The following INTS2 variants were observed in gnomAD, a reference collection of about 807,000 sequenced individuals.
INTS2 encodes the protein integrator complex subunit 2.
Under a neutral mutation model 139.6 loss-of-function variants are expected in INTS2, and 57 were observed. The ratio of observed to expected loss-of-function variants is 0.41; its 90% CI spans 0.33 to 0.51. The LOEUF (loss-of-function observed/expected upper bound fraction) is 0.51, where lower values mean the gene tolerates loss of function less well. Among genes scored for constraint, INTS2 ranks in the 20% least tolerant of loss-of-function variants. The pLI, the probability that INTS2 is intolerant of heterozygous loss-of-function variation, is 0.28. For synonymous variants in INTS2, 473 were observed against 493.4 expected (o/e 0.96, Z 0.55); for missense variants, 1,196 against 1,436.7 (o/e 0.83, Z 2.71).
At chr17:61,911,299 TAA>T in intron 7 of INTS2, 1 of 454,556 alleles carries the variant, frequency 2.2e-6, no homozygotes. Context: ...TTCAAATATT[TAA>T]GTGTTAATTT....
rs1369477684 is a variant in INTS2 at position 61,882,539 on chromosome 17, G to C, written c.2090-1368C>G. 6.6e-6 allele frequency among the ~76,000 whole-genome samples: 1 copy of C among 152,164 alleles called. No homozygotes were observed. On this transcript the variant is annotated intron_variant, in intron 16 of 24. Transcript: ENST00000251334. This position sits in a 1 kb window ranked among gnomAD's most constrained non-coding sequence, Gnocchi z 4.7. ...AGGCCAGGAGTTGGAGACCAGCCTG[G>C]CCAACATGGGGAAATCCTGTCTCTA...
At position 61,927,694 on chromosome 17, in the gene INTS2, CTCCGCG is replaced by C; in HGVS notation, c.-65_-60del. On this transcript the variant is annotated 5_prime_UTR_variant, in exon 1 of 25. Transcript: ENST00000251334. Reference sequence around the variant, plus strand: ...CCAGCCTCACGGAACCGCACACGGACTCCGCGTCCTAGAGGCGGGACGCGGCAGAAA... The same window carrying C: ...CCAGCCTCACGGAACCGCACACGGACTCCTAGAGGCGGGACGCGGCAGAAA... 2 of 1,441,294 alleles carry C rather than the reference CTCCGCG, an allele frequency of 1.4e-6. No individual in the cohort carries two copies. Among genetic ancestry groups the C allele is most frequent in the Non-Finnish European group, 1.8e-6 (2 of 1,101,420 alleles). 89.3% of individuals were successfully genotyped at this position (1,441,294 alleles called of 1,614,324 possible).
At position 61,903,398 on chromosome 17, in the gene INTS2, G is replaced by A. The variant is rs73332602; in HGVS notation, c.1307+1062C>T. Among the ~76,000 whole-genome samples, 571 of 151,592 alleles carry A rather than the reference G, an allele frequency of 3.8e-3. 4 individuals carry two copies. The highest frequency in any genetic ancestry group is 0.013 in the African/African-American group (536 of 41,392). On this transcript the variant is annotated intron_variant, in intron 9 of 24. Transcript: ENST00000251334. ...TATAAGAAACAGAAGATCCAACAAAGGAGAGATGAAGCAAGTCTCCAAAAT... is the reference window on the plus strand; with the variant it reads ...TATAAGAAACAGAAGATCCAACAAAAGAGAGATGAAGCAAGTCTCCAAAAT...
chr17:61,919,500 C>G lies in INTS2; in HGVS notation c.549G>C (p.Leu183Phe), dbSNP rs759186174. The change falls in exon 5 of 25, where the codon TTG becomes TTC. Residue 183 changes from leucine (L) to phenylalanine (F), a missense_variant. Transcript: ENST00000251334. Reference protein sequence around the residue: ...LCILQAELPSLLPIVDVAEAL... With the variant: ...LCILQAELPSFLPIVDVAEAL... Reference sequence around the variant, plus strand: ...CTTCAGCTACATCAACTATAGGGAGCAAGGAAGGGAGCTCTACAAGAAAAC... The same window carrying G: ...CTTCAGCTACATCAACTATAGGGAGGAAGGAAGGGAGCTCTACAAGAAAAC... 6 of 1,578,824 alleles carry G rather than the reference C, an allele frequency of 3.8e-6. No individual in the cohort carries two copies. In the Admixed American group the frequency reaches 8.8e-5, roughly 23 times the overall value.
chr17:61,924,547 G>A (rs1009253994), intron 3 of INTS2, among the ~76,000 whole-genome samples: 3 of 152,148 alleles, frequency 2.0e-5, no homozygotes, highest in East Asian at 1.9e-4. Flanking sequence ...GGCCGGGCAC[G>A]GTGACCCATG....
chr17:61,897,391 C>A lies in INTS2; in HGVS notation c.1494+78G>T. ...ACAATTAAAATTACTTAAATGAAAA[C>A]AATCTATTTACACTACAACAAAATG... On this transcript the variant is annotated intron_variant, in intron 11 of 24. Transcript: ENST00000251334. This position sits in a 1 kb window ranked among gnomAD's most constrained non-coding sequence, Gnocchi z 4.4. The A allele has an allele frequency of 1.3e-6, 1 of 770,720 alleles. No homozygotes were observed. The allele number at this position is 770,720 out of a possible 1,614,324, so 47.7% of individuals were successfully genotyped here. A position where few individuals can be genotyped will look rare whatever the true frequency, so the allele number is the denominator to read the frequency against.
In INTS2 at chr17:61,867,743, A is replaced by G. The variant is rs2079057246; in HGVS notation, c.3422-17T>C. 1 of 1,570,688 alleles carries G rather than the reference A, an allele frequency of 6.4e-7. No homozygotes were observed. Among genetic ancestry groups the G allele is most frequent in the African/African-American group, 1.4e-5 (1 of 72,872 alleles). ...GTTGAAGACCTACAACATAAGGGAA[A>G]AAAAACATTAAGGCCAAGAAATTTG... On this transcript the variant is annotated splice_polypyrimidine_tract_variant and intron_variant, in intron 24 of 24. Coordinates refer to ENST00000251334, the MANE Select transcript of INTS2 (RefSeq NM_001351695.2). This position sits in a 1 kb window ranked among gnomAD's most constrained non-coding sequence, Gnocchi z 5.6.
chr17:61,918,903 A>G (rs895178227), intron 5 of INTS2, among the ~76,000 whole-genome samples: 1 of 148,890 alleles, frequency 6.7e-6, no homozygotes, highest in African/African-American at 2.5e-5. Context: ...TATAGATATT[A>G]CATCTTCTAG....
At chr17:61,926,722 C>T (rs1187275808) in intron 1 of INTS2, 60 bp from the exon 2 acceptor site, 2 of 1,367,760 alleles carry the variant, frequency 1.5e-6, no homozygotes, top group African/African-American at 2.9e-5. Flanking sequence ...GAACACCCAA[C>T]TTTCTAAAAA....
At chr17:61,907,969 C>T (rs1330408078) in intron 7 of INTS2, among the ~76,000 whole-genome samples, 5 of 152,138 alleles carry the variant, frequency 3.3e-5, no homozygotes, top group Non-Finnish European at 5.9e-5. Flanking sequence ...ATTTTGAAGA[C>T]GTAAGTTCTT....
At chr17:61,888,658 A>T (rs536569829) in intron 15 of INTS2, among the ~76,000 whole-genome samples, 68 of 151,992 alleles carry the variant, frequency 4.5e-4, no homozygotes, top group African/African-American at 1.6e-3. Context: ...ATCCCATCTC[A>T]GCCTCCCAAA....
At chr17:61,920,678 C>T (rs2079631915) in intron 4 of INTS2, among the ~76,000 whole-genome samples, 1 of 151,972 alleles carries the variant, frequency 6.6e-6, no homozygotes, top group Non-Finnish European at 1.5e-5. Flanking sequence ...TGCCGCATGC[C>T]TGTAATCCCA....
rs573561712 is a variant in INTS2 at position 61,882,984 on chromosome 17, G to A, written c.2090-1813C>T. Among the ~76,000 whole-genome samples the A allele has an allele frequency of 6.6e-6, 1 of 152,066 alleles. No individual in the cohort carries two copies. The highest frequency in any genetic ancestry group is 2.1e-4 in the South Asian group (1 of 4,824). The stretch of plus-strand genomic sequence containing the variant: ...ACGCAATTCCGTTCTCATAGAAACA[G>A]CTTAAAATTGATGTTTCTGTGTTTG... On this transcript the variant is annotated intron_variant, in intron 16 of 24. Transcript: ENST00000251334. This position sits in a 1 kb window ranked among gnomAD's most constrained non-coding sequence, Gnocchi z 4.7.
At chr17:61,912,314 G>A (rs946414759) in intron 5 of INTS2, among the ~76,000 whole-genome samples, 5 of 149,384 alleles carry the variant, frequency 3.3e-5, no homozygotes, top group Non-Finnish European at 5.9e-5. Context: ...ATACATTTGA[G>A]GGCCACGGAC....
chr17:61,874,641 T>C (rs1013888518), intron 19 of INTS2, among the ~76,000 whole-genome samples: 8 of 152,282 alleles, frequency 5.3e-5, no homozygotes, highest in Middle Eastern at 3.4e-3. Flanking sequence ...TGGTCTAAAT[T>C]GTGAGAGAGA....
In INTS2 at chr17:61,921,781, A is replaced by T. The variant is rs1203628401; in HGVS notation, c.479T>A (p.Phe160Tyr). The T allele has an allele frequency of 1.2e-6, 2 of 1,607,182 alleles. No homozygotes were observed. Among genetic ancestry groups the T allele is most frequent in the Non-Finnish European group, 1.7e-6 (2 of 1,176,762 alleles). The change falls in exon 4 of 25, where the codon TTT becomes TAT. Residue 160 changes from phenylalanine to tyrosine, a missense_variant. Phe to Tyr is a conservative substitution (Grantham distance 22). Around this residue, in one of 3 missense-constraint regions of INTS2, gnomAD observed 1,129 missense variants for 1,341.9 expected, o/e 0.84. Transcript: ENST00000251334. ...TTCCTCCAAATATACTGGACTCTCA[A>T]AAAGTTCAGAAGACTTGAAAAAAAA... ...GEFFFKSSEL[F>Y]ESPVYLEEAA...
chr17:61,869,768 T>A lies in INTS2; in HGVS notation c.2999A>T (p.Asp1000Val). 6.2e-7 allele frequency: 1 copy of A among 1,613,844 alleles called. No individual in the cohort carries two copies. Among genetic ancestry groups the A allele is most frequent in the Non-Finnish European group, 8.5e-7 (1 of 1,179,766 alleles). The stretch of plus-strand genomic sequence containing the variant: ...GTGAACAAGCTTAGCAATGTTGGGA[T>A]CTGCAATGTACATTTGGTGCAAGAG... Reference protein sequence around the residue: ...CCLLHQMYIADPNIAKLVHFQ... With the variant: ...CCLLHQMYIAVPNIAKLVHFQ... The change falls in exon 21 of 25, where the codon GAT (aspartate) becomes GTT (valine). Residue 1000 changes from aspartate to valine, a missense_variant. Physicochemically the swap from Asp to Val is radical, Grantham distance 152. Transcript: ENST00000251334. The surrounding 1 kb of genome is among the most constrained non-coding windows in gnomAD (Gnocchi z 5.4).
intron 5 of INTS2, among the ~76,000 whole-genome samples, chr17:61,917,794 T>C (rs2079598441): frequency 6.6e-6 from 1 of 151,642 alleles, no homozygotes; most frequent in Admixed American, 6.6e-5. Context: ...TTCGAATTTT[T>C]TTAAAAAGAA....
At chr17:61,889,091 C>CTTTTT (rs577423232) in intron 15 of INTS2, among the ~76,000 whole-genome samples, 1 of 140,562 alleles carries the variant, frequency 7.1e-6, no homozygotes, top group Non-Finnish European at 1.5e-5. Flanking sequence ...AACTCTTCTA[C>CTTTTT]TTTTTTTTTT....
Sources: gnomAD v4.1 joint callset for allele counts (sites outside exome capture counted in the v4.1 genomes callset) on GRCh38, gnomAD v4.1.1 for gene constraint, gnomAD v4.1.1 regional missense constraint, Gnocchi (gnomAD v3.1) non-coding constraint, MANE v1.5 for transcripts, NCBI Gene and HGNC (gene_info 2026-07-23, HGNC 2026-07-21) for gene names.